The following GADL1 variants were observed in gnomAD, a reference collection of about 807,000 sequenced individuals.
The protein encoded by GADL1 is acidic amino acid decarboxylase GADL1.
In GADL1, 71 loss-of-function variants were observed where a neutral mutation model predicts 69.5. That is an observed-to-expected ratio of 1.02 (90% CI 0.84 to 1.25). The LOEUF is 1.25. Ranked by LOEUF, GADL1 falls within the 50% of genes most tolerant of loss-of-function variation. GADL1 has a pLI of 0.00. For synonymous variants in GADL1, 254 were observed against 214.4 expected (o/e 1.18, Z -1.62); for missense variants, 737 against 631.8 (o/e 1.17, Z -1.79).
chr3:30,840,020 G>C (rs992678070), intron 8 of GADL1, among the ~76,000 whole-genome samples: 4 of 152,038 alleles, frequency 2.6e-5, no homozygotes, highest in Admixed American at 2.6e-4. Flanking sequence ...AGACAAATGT[G>C]GGGGTGAGGG....
intron 1 of GADL1, among the ~76,000 whole-genome samples, chr3:30,870,939 C>G (rs1422438768): frequency 1.3e-5 from 2 of 151,102 alleles, no homozygotes; most frequent in East Asian, 2.0e-4. Context: ...ATAGGAAGAT[C>G]GACATTTTGA....
intron 11 of GADL1, among the ~76,000 whole-genome samples, chr3:30,830,891 G>A (rs1203653795): frequency 4.0e-5 from 6 of 151,794 alleles, no homozygotes; most frequent in South Asian, 4.1e-4. Context: ...GGAATCATTC[G>A]TTCAGTTGCT....
At chr3:30,775,226 C>T (rs1470656489) in intron 14 of GADL1, among the ~76,000 whole-genome samples, 1 of 152,200 alleles carries the variant, frequency 6.6e-6, no homozygotes. Context: ...CAAATAATCC[C>T]TCTCCCCTTC....
intron 14 of GADL1, among the ~76,000 whole-genome samples, chr3:30,772,823 C>A (rs1357115788): frequency 6.6e-6 from 1 of 152,114 alleles, no homozygotes; most frequent in Admixed American, 6.6e-5. Context: ...TTGCAGTGAG[C>A]CAAGATTGTG....
At chr3:30,739,951 T>C (rs984234572) in intron 14 of GADL1, among the ~76,000 whole-genome samples, 1 of 152,192 alleles carries the variant, frequency 6.6e-6, no homozygotes, top group Non-Finnish European at 1.5e-5. Context: ...GATTTGCACA[T>C]TTTGAGAAAA....
intron 9 of GADL1, among the ~76,000 whole-genome samples, chr3:30,836,027 A>G (rs1399457374): frequency 6.6e-6 from 1 of 152,060 alleles, no homozygotes; most frequent in East Asian, 1.9e-4. Context: ...GATGTGTTAC[A>G]TATCACATTT....
intron 14 of GADL1, among the ~76,000 whole-genome samples, chr3:30,768,195 T>C: frequency 6.6e-6 from 1 of 152,258 alleles, no homozygotes; most frequent in Admixed American, 6.5e-5. Context: ...CAGGCAGCAA[T>C]TACATTTTGA....
intron 14 of GADL1, among the ~76,000 whole-genome samples, chr3:30,754,863 T>C (rs1401814222): frequency 6.6e-6 from 1 of 151,804 alleles, no homozygotes; most frequent in Non-Finnish European, 1.5e-5. Flanking sequence ...GGCACTGATT[T>C]TTTTTCTGAA....
At chr3:30,743,720 T>C (rs1156363959) in intron 14 of GADL1, among the ~76,000 whole-genome samples, 1 of 152,208 alleles carries the variant, frequency 6.6e-6, no homozygotes, top group Non-Finnish European at 1.5e-5. Context: ...TTATGGTTAT[T>C]GCCTGTTAAA....
intron 12 of GADL1, chr3:30,797,736 T>A (rs1697074093): frequency 6.6e-6 from 1 of 151,870 alleles, no homozygotes; most frequent in Admixed American, 6.6e-5. Context: ...TCAGGCATCA[T>A]CATGTTCAGC....
At chr3:30,783,518 C>G (rs1696718402) in intron 13 of GADL1, among the ~76,000 whole-genome samples, 1 of 152,038 alleles carries the variant, frequency 6.6e-6, no homozygotes, top group South Asian at 2.1e-4. Flanking sequence ...TGTTAGACAA[C>G]AGTGACACAT....
In GADL1 at chr3:30,814,982, A is replaced by ATTT. The variant is rs71744579; in HGVS notation, c.1051-13897_1051-13895dup. On this transcript the variant is annotated intron_variant, in intron 11 of 14. Coordinates refer to ENST00000282538, the MANE Select transcript of GADL1 (RefSeq NM_207359.3). ...CTGTCTCATTTAAAAAAAAAAAAAA[A>ATTT]TTTTTTTCATTAAGGCAAATTTTTA... Among the ~76,000 whole-genome samples the ATTT allele has an allele frequency of 1.0e-3, 143 of 141,652 alleles. 1 individual carries two copies. The highest frequency in any genetic ancestry group is 7.2e-3 in the Middle Eastern group (2 of 276). 92.9% of individuals were successfully genotyped at this position (141,652 alleles called of 152,430 possible). A position where few individuals can be genotyped will look rare whatever the true frequency, so the allele number is the denominator to read the frequency against.
chr3:30,829,626 A>T (rs997569932), intron 11 of GADL1, among the ~76,000 whole-genome samples: 1 of 151,930 alleles, frequency 6.6e-6, no homozygotes, highest in African/African-American at 2.4e-5. Flanking sequence ...ATTTGGGGTA[A>T]GGGAAAAATT....
At chr3:30,815,587 C>CT (rs1281801637) in intron 11 of GADL1, among the ~76,000 whole-genome samples, 4 of 152,074 alleles carry the variant, frequency 2.6e-5, no homozygotes, top group East Asian at 3.9e-4. Context: ...TGAGAAAAAC[C>CT]TATAGGCAAG....
intron 13 of GADL1, among the ~76,000 whole-genome samples, chr3:30,783,880 AG>A (rs1696730206): frequency 6.6e-6 from 1 of 152,170 alleles, no homozygotes; most frequent in Non-Finnish European, 1.5e-5. Flanking sequence ...GACTTTAGGA[AG>A]AATATATAAA....
At chr3:30,766,948 G>T (rs1018296777) in intron 14 of GADL1, among the ~76,000 whole-genome samples, 1 of 152,186 alleles carries the variant, frequency 6.6e-6, no homozygotes, top group Non-Finnish European at 1.5e-5. Context: ...GCATGGAGAA[G>T]ATATCTGGGG....
Position 30,728,164 on chromosome 3 carries a change from T to C in GADL1, c.*78A>G. Reference sequence around the variant, plus strand: ...ATTTCTCATCAGAAGGGCTGCAATCTACTGTGTATCTCCAAGATGTTCTGG... The same window carrying C: ...ATTTCTCATCAGAAGGGCTGCAATCCACTGTGTATCTCCAAGATGTTCTGG... On this transcript the variant is annotated 3_prime_UTR_variant, in exon 15 of 15. Transcript: ENST00000282538. 7.8e-7 allele frequency: 1 copy of C among 1,288,030 alleles called. No individual in the cohort carries two copies. Among genetic ancestry groups the C allele is most frequent in the Non-Finnish European group, 1.1e-6 (1 of 898,648 alleles). The allele number at this position is 1,288,030 out of a possible 1,614,324, so 79.8% of individuals were successfully genotyped here. A position where few individuals can be genotyped will look rare whatever the true frequency, so the allele number is the denominator to read the frequency against.
chr3:30,855,863 TAA>T (rs1698223956), intron 3 of GADL1, among the ~76,000 whole-genome samples: 1 of 134,614 alleles, frequency 7.4e-6, no homozygotes, highest in African/African-American at 2.8e-5. Context: ...AGGGGTTCAA[TAA>T]AAAAACAAGT....
intron 14 of GADL1, among the ~76,000 whole-genome samples, chr3:30,753,557 C>T (rs1028867357): frequency 9.2e-5 from 14 of 152,056 alleles, no homozygotes; most frequent in African/African-American, 3.1e-4. Flanking sequence ...GCTATTCTGT[C>T]ATTGAGCTCT....
Sources: gnomAD v4.1 joint callset for allele counts (sites outside exome capture counted in the v4.1 genomes callset) on GRCh38, gnomAD v4.1.1 for gene constraint, MANE v1.5 for transcripts, NCBI Gene and HGNC (gene_info 2026-07-23, HGNC 2026-07-21) for gene names.